Variants in RBMS1 observed in about 807,000 individuals in gnomAD.
RBMS1 encodes RNA binding motif single stranded interacting protein 1.
RBMS1 carries 17 observed loss-of-function variants against 62.3 expected under a neutral mutation model. The ratio of observed to expected loss-of-function variants is 0.27; its 90% CI spans 0.19 to 0.41. RBMS1 has a LOEUF of 0.41. Among genes scored for constraint, RBMS1 ranks in the 10% least tolerant of loss-of-function variants. The probability of loss-of-function intolerance (pLI) is 1.00; values close to 1 mark genes in which losing one functional copy is unlikely to be tolerated. For missense variants in RBMS1, 334 were observed against 504.5 expected, an observed-to-expected ratio of 0.66 and a Z score of 3.24; for synonymous variants, 172 against 170.0, an observed-to-expected ratio of 1.01 and a Z score of -0.09.
At chr2:160,424,365 T>TGGGG (rs58071256) in intron 1 of RBMS1, among the ~76,000 whole-genome samples, 43 of 140,772 alleles carry the variant, frequency 3.1e-4, no homozygotes, top group African/African-American at 1.0e-3. Flanking sequence ...GGTGAGAGAT[T>TGGGG]GGGGGGGGGG....
Position 160,275,681 on chromosome 2 carries a change from T to A in RBMS1, c.1177A>T (p.Thr393Ser), listed in dbSNP as rs894077044. The A allele has an allele frequency of 3.1e-6, 5 of 1,613,742 alleles. No homozygotes were observed. In the African/African-American group the frequency reaches 6.7e-5, roughly 22 times the overall value. The part of the protein sequence containing the change: ...ASGQQQVAVE[T>S]SNDHSPYTFQ... ...GTATATGGAGAATGGTCATTAGACGTCTCGACAGCCACCTGCTGTTGACCA... is the reference window on the plus strand; with the variant it reads ...GTATATGGAGAATGGTCATTAGACGACTCGACAGCCACCTGCTGTTGACCA... Residue 393 changes from threonine to serine, a missense_variant, in exon 13 of 14, where the codon ACG becomes TCG. Coordinates refer to ENST00000348849, the MANE Select transcript of RBMS1 (RefSeq NM_016836.4).
At chr2:160,406,224 G>C (rs747149464) in intron 1 of RBMS1, among the ~76,000 whole-genome samples, 4 of 152,164 alleles carry the variant, frequency 2.6e-5, no homozygotes, top group Non-Finnish European at 4.4e-5. Flanking sequence ...ACATAGAAAA[G>C]AACCAAAGAC....
At chr2:160,320,597 T>A (rs769366045) in intron 2 of RBMS1, among the ~76,000 whole-genome samples, 5 of 152,094 alleles carry the variant, frequency 3.3e-5, no homozygotes, top group Non-Finnish European at 5.9e-5. Context: ...GCTCTATTAG[T>A]TCTGGTGAGA....
At chr2:160,385,207 T>G (rs1208158858) in intron 1 of RBMS1, among the ~76,000 whole-genome samples, 1 of 152,072 alleles carries the variant, frequency 6.6e-6, no homozygotes, top group South Asian at 2.1e-4. Context: ...ACTAACACAA[T>G]GTTCATCTCT....
At chr2:160,420,463 G>A (rs1696379218) in intron 1 of RBMS1, among the ~76,000 whole-genome samples, 1 of 152,018 alleles carries the variant, frequency 6.6e-6, no homozygotes, top group African/African-American at 2.4e-5. Flanking sequence ...TGGTATTAAT[G>A]CCTAAATTAG....
At chr2:160,426,218 GAAGAAAGAAAGAAAGAAAGAAAGA>G (rs57929883) in intron 1 of RBMS1, among the ~76,000 whole-genome samples, 9 of 48,672 alleles carry the variant, frequency 1.8e-4, no homozygotes, top group Admixed American at 2.6e-4. Context: ...GAGAGAGACA[GAAGAAAGAAAGAAAGAAAGAAAGA>G]AAGAAAGAAA....
At chr2:160,291,910 A>T (rs1394820555) in intron 6 of RBMS1, among the ~76,000 whole-genome samples, 2 of 152,180 alleles carry the variant, frequency 1.3e-5, no homozygotes, top group Non-Finnish European at 2.9e-5. Flanking sequence ...AACATCTTTT[A>T]ATTTTCTATA....
chr2:160,423,178 A>C (rs909995075), intron 1 of RBMS1, among the ~76,000 whole-genome samples: 2 of 151,854 alleles, frequency 1.3e-5, no homozygotes, highest in Non-Finnish European at 2.9e-5. Context: ...CAACTTCTAT[A>C]CCAGTTTGAT....
intron 1 of RBMS1, among the ~76,000 whole-genome samples, chr2:160,424,268 C>T (rs1422383246): frequency 6.6e-6 from 1 of 151,996 alleles, no homozygotes; most frequent in Non-Finnish European, 1.5e-5. Context: ...ATCCACCCGC[C>T]TCAGCCTCCC....
intron 2 of RBMS1, among the ~76,000 whole-genome samples, chr2:160,349,617 A>G (rs1316090209): frequency 6.6e-6 from 1 of 151,742 alleles, no homozygotes; most frequent in Non-Finnish European, 1.5e-5. Context: ...TATGTACCCC[A>G]GGAATAGGTC....
chr2:160,338,284 T>C (rs1174821680), intron 2 of RBMS1, among the ~76,000 whole-genome samples: 4 of 152,196 alleles, frequency 2.6e-5, no homozygotes, highest in Non-Finnish European at 5.9e-5. Context: ...ATGAACTTAA[T>C]GAAAATATTT....
chr2:160,467,986 A>G (rs1684763812), intron 1 of RBMS1, among the ~76,000 whole-genome samples: 1 of 152,200 alleles, frequency 6.6e-6, no homozygotes, highest in Admixed American at 6.5e-5. Flanking sequence ...AGGTAATTTA[A>G]TATCAAGCAG....
chr2:160,437,915 G>T (rs1683179558), intron 1 of RBMS1, among the ~76,000 whole-genome samples: 1 of 151,752 alleles, frequency 6.6e-6, no homozygotes, highest in Non-Finnish European at 1.5e-5. Flanking sequence ...CTCTAAAACA[G>T]TTTCTAAGAG....
chr2:160,478,833 G>T lies in RBMS1; in HGVS notation c.75+14456C>A, dbSNP rs565613866. ...CTACTGTGCATTTTGTTTTTCCAAG[G>T]TTATCCACATAATTGACTAAAACAG... On this transcript the variant is annotated intron_variant, in intron 1 of 13. Coordinates refer to ENST00000348849, the MANE Select transcript of RBMS1 (RefSeq NM_016836.4). Among the ~76,000 whole-genome samples the T allele has an allele frequency of 1.2e-4, 18 of 152,284 alleles. No homozygotes were observed. In the South Asian group the frequency reaches 2.1e-3, roughly 18 times the overall value.
At chr2:160,360,784 T>C (rs1357822431) in intron 2 of RBMS1, among the ~76,000 whole-genome samples, 1 of 152,216 alleles carries the variant, frequency 6.6e-6, no homozygotes, top group African/African-American at 2.4e-5. Flanking sequence ...GTTAGCTTTC[T>C]TCTGGCTTCT....
intron 2 of RBMS1, among the ~76,000 whole-genome samples, chr2:160,342,911 C>A (rs1242098355): frequency 1.3e-5 from 2 of 152,038 alleles, no homozygotes; most frequent in Admixed American, 1.3e-4. Flanking sequence ...GCATTCCAGC[C>A]TGGGCAACAA....
intron 6 of RBMS1, among the ~76,000 whole-genome samples, chr2:160,291,754 T>C (rs1688690756): frequency 6.6e-6 from 1 of 152,212 alleles, no homozygotes; most frequent in African/African-American, 2.4e-5. Flanking sequence ...CCTGCTGGGT[T>C]TGAGTTTTCT....
chr2:160,318,229 T>TAAAAAAAAAAAACAA lies in RBMS1; in HGVS notation c.252-3_252-2insTTGTTTTTTTTTTTT. 8.6e-7 allele frequency: 1 copy of TAAAAAAAAAAAACAA among 1,163,254 alleles called. No individual in the cohort carries two copies. Among genetic ancestry groups the TAAAAAAAAAAAACAA allele is most frequent in the Non-Finnish European group, 1.1e-6 (1 of 929,826 alleles). The allele number at this position is 1,163,254 out of a possible 1,614,324, so 72.1% of individuals were successfully genotyped here. A position where few individuals can be genotyped will look rare whatever the true frequency, so the allele number is the denominator to read the frequency against. The stretch of plus-strand genomic sequence containing the variant: ...TTTGTGGAGACTATTTTCCCATATC[T>TAAAAAAAAAAAACAA]AAAAAAAAAAAAAAAAAAAAAAAGG... On this transcript the variant is annotated splice_polypyrimidine_tract_variant and splice_region_variant and intron_variant, in intron 2 of 13. Transcript: ENST00000348849.
At chr2:160,312,661 G>A (rs894006846) in intron 4 of RBMS1, among the ~76,000 whole-genome samples, 2 of 151,986 alleles carry the variant, frequency 1.3e-5, no homozygotes, top group African/African-American at 4.8e-5. Context: ...AATAGCATCT[G>A]TAGCCCACAT....
Sources: gnomAD v4.1 joint callset for allele counts (sites outside exome capture counted in the v4.1 genomes callset) on GRCh38, gnomAD v4.1.1 for gene constraint, MANE v1.5 for transcripts, NCBI Gene and HGNC (gene_info 2026-07-23, HGNC 2026-07-21) for gene names.